Variants in VWA8 observed in about 807,000 individuals in gnomAD.
VWA8 encodes the protein von Willebrand factor A domain containing 8.
In VWA8, 221 loss-of-function variants were observed where a neutral mutation model predicts 241.5. That is an observed-to-expected ratio of 0.91 (90% CI 0.82 to 1.02). The LOEUF is 1.02. Among genes scored for constraint, VWA8 ranks in the 50% least tolerant of loss-of-function variants. The probability of loss-of-function intolerance (pLI) is 0.00; values close to 1 mark genes in which losing one functional copy is unlikely to be tolerated. For synonymous variants in VWA8, 852 were observed against 827.1 expected, an observed-to-expected ratio of 1.03 and a Z score of -0.52; for missense variants, 2,322 against 2,328.7, an observed-to-expected ratio of 1.00 and a Z score of 0.06.
chr13:41,710,572 T>A (rs1197895769), intron 26 of VWA8, among the ~76,000 whole-genome samples: 1 of 152,230 alleles, frequency 6.6e-6, no homozygotes, highest in Non-Finnish European at 1.5e-5. Context: ...GTAGACTTTA[T>A]CATTTTTGAA....
chr13:41,904,289 ATT>A (rs540626740), intron 4 of VWA8, among the ~76,000 whole-genome samples: 13 of 152,110 alleles, frequency 8.5e-5, no homozygotes, highest in Non-Finnish European at 1.9e-4. Flanking sequence ...TTAAAAATCC[ATT>A]TTCTCTTCCT....
chr13:41,771,576 T>G lies in VWA8; in HGVS notation c.2349+6409A>C, dbSNP rs182150822. Among the ~76,000 whole-genome samples, 221 of 152,222 alleles carry G rather than the reference T, an allele frequency of 1.5e-3. 1 individual carries two copies. The highest frequency in any genetic ancestry group is 4.9e-3 in the African/African-American group (203 of 41,530). On this transcript the variant is annotated intron_variant, in intron 20 of 44. Transcript: ENST00000379310. ...AGAGACTCACTCTTAGGGACTTTTT[T>G]TTATTATTATTTTTATTTTTGAGAC... is the stretch of plus-strand genomic sequence containing the variant.
chr13:41,765,969 G>T (rs2045776349), intron 20 of VWA8, among the ~76,000 whole-genome samples: 1 of 152,142 alleles, frequency 6.6e-6, no homozygotes, highest in Non-Finnish European at 1.5e-5. Context: ...TGCTCTTCAT[G>T]ATGACGTACT....
In VWA8 at chr13:41,671,029, G is replaced by A. The variant is rs1336802163; in HGVS notation, c.4528C>T (p.Leu1510Phe). Residue 1510 changes from leucine (L) to phenylalanine (F), a missense_variant, in exon 37 of 45, where the codon CTT becomes TTT. Coordinates refer to ENST00000379310, the MANE Select transcript of VWA8 (RefSeq NM_015058.2). ...VTVDMGGHIR[L>F]WETGLERLQR... ...AGACGTTCAAGTCCAGTTTCCCAAA[G>A]CCTGATGTGACCTCCCATATCAACA... is the stretch of plus-strand genomic sequence containing the variant. The A allele has an allele frequency of 6.2e-7, 1 of 1,614,002 alleles. No homozygotes were observed. Among genetic ancestry groups the A allele is most frequent in the South Asian group, 1.1e-5 (1 of 91,078 alleles).
chr13:41,820,696 T>G (rs546905264), intron 14 of VWA8, among the ~76,000 whole-genome samples: 1 of 152,298 alleles, frequency 6.6e-6, no homozygotes, highest in South Asian at 2.1e-4. Flanking sequence ...GATAACAACA[T>G]GGACAGTGCC....
intron 8 of VWA8, among the ~76,000 whole-genome samples, chr13:41,884,678 A>G (rs961195936): frequency 3.3e-5 from 5 of 152,158 alleles, no homozygotes; most frequent in Non-Finnish European, 7.4e-5. Context: ...CTGTTTTTCA[A>G]CTTTTTTTTA....
chr13:41,626,271 A>T (rs1189865041), intron 37 of VWA8, among the ~76,000 whole-genome samples: 1 of 152,150 alleles, frequency 6.6e-6, no homozygotes, highest in Non-Finnish European at 1.5e-5. Flanking sequence ...ATCAGAGATG[A>T]CACAAACAAA....
intron 9 of VWA8, among the ~76,000 whole-genome samples, chr13:41,882,576 C>T (rs1409217723): frequency 1.3e-5 from 2 of 152,248 alleles, no homozygotes; most frequent in African/African-American, 2.4e-5. Context: ...CCAAGGCTGG[C>T]GGATCACTCG....
At chr13:41,907,846 A>C in intron 3 of VWA8, 150 bp from the exon 4 acceptor site, 1 of 636,538 alleles carries the variant, frequency 1.6e-6, no homozygotes, top group South Asian at 2.0e-5. Context: ...AAGTTTGAGA[A>C]AAAAGAAATA....
intron 17 of VWA8, among the ~76,000 whole-genome samples, chr13:41,804,265 G>T (rs1256410528): frequency 6.6e-6 from 1 of 152,130 alleles, no homozygotes; most frequent in Non-Finnish European, 1.5e-5. Flanking sequence ...AGCAGGAAGA[G>T]AAAAGAAACA....
intron 2 of VWA8, among the ~76,000 whole-genome samples, chr13:41,949,140 A>G (rs1878003953): frequency 6.6e-6 from 1 of 151,964 alleles, no homozygotes; most frequent in Non-Finnish European, 1.5e-5. Flanking sequence ...GTGGTTATAC[A>G]GGTTTATAAA....
intron 17 of VWA8, among the ~76,000 whole-genome samples, chr13:41,808,789 T>G (rs1460451912): frequency 6.6e-6 from 1 of 151,700 alleles, no homozygotes; most frequent in Non-Finnish European, 1.5e-5. Flanking sequence ...TGAAAAGTAC[T>G]CAAACTGGAA....
chr13:41,647,557 A>C (rs189027854), intron 37 of VWA8, among the ~76,000 whole-genome samples: 1 of 152,250 alleles, frequency 6.6e-6, no homozygotes, highest in South Asian at 2.1e-4. Flanking sequence ...CTGAGTGTCC[A>C]GTAAGTTCAG....
chr13:41,782,988 G>A (rs919436114), intron 19 of VWA8, among the ~76,000 whole-genome samples: 34 of 150,900 alleles, frequency 2.3e-4, no homozygotes, highest in Non-Finnish European at 7.4e-5. Flanking sequence ...GAAAAGGAAA[G>A]AAAAGAAAAA....
intron 9 of VWA8, among the ~76,000 whole-genome samples, chr13:41,869,624 T>C (rs1374472980): frequency 5.8e-5 from 6 of 102,700 alleles, no homozygotes; most frequent in Non-Finnish European, 5.5e-5. Context: ...GAGCGAAAAC[T>C]TTGTCTCAAA....
At chr13:41,951,871 TA>T (rs1878153831) in intron 1 of VWA8, among the ~76,000 whole-genome samples, 1 of 152,166 alleles carries the variant, frequency 6.6e-6, no homozygotes, top group African/African-American at 2.4e-5. Context: ...ACAGAGTTTT[TA>T]ACAGATAAAG....
intron 37 of VWA8, among the ~76,000 whole-genome samples, chr13:41,616,637 T>C (rs1248828412): frequency 6.6e-6 from 1 of 152,166 alleles, no homozygotes. Flanking sequence ...ATCAATAAAA[T>C]TTTCTGTGTT....
chr13:41,842,905 A>C (rs1368606725), intron 12 of VWA8, among the ~76,000 whole-genome samples: 1 of 152,236 alleles, frequency 6.6e-6, no homozygotes, highest in Non-Finnish European at 1.5e-5. Context: ...GGGAGCAGCC[A>C]GCACAAAGAA....
intron 2 of VWA8, among the ~76,000 whole-genome samples, chr13:41,917,217 T>A (rs910527362): frequency 6.6e-6 from 1 of 152,158 alleles, no homozygotes; most frequent in Non-Finnish European, 1.5e-5. Context: ...TTCTAGAAAA[T>A]TAAGCATAGG....
Sources: gnomAD v4.1 joint callset for allele counts (sites outside exome capture counted in the v4.1 genomes callset) on GRCh38, gnomAD v4.1.1 for gene constraint, MANE v1.5 for transcripts, NCBI Gene and HGNC (gene_info 2026-07-23, HGNC 2026-07-21) for gene names.